The following COLEC12 variants were observed in gnomAD, a reference collection of about 807,000 sequenced individuals.
COLEC12 encodes the protein collectin subfamily member 12, also known as collectin-12.
COLEC12 carries 33 observed loss-of-function variants against 71.1 expected under a neutral mutation model. The observed-to-expected ratio is 0.46, with a 90% CI of 0.35 to 0.62. COLEC12 has a LOEUF of 0.62. Among genes scored for constraint, COLEC12 ranks in the 20% least tolerant of loss-of-function variants. The probability of loss-of-function intolerance (pLI) is 0.00; values close to 1 mark genes in which losing one functional copy is unlikely to be tolerated. For synonymous variants in COLEC12, 350 were observed against 353.0 expected, an observed-to-expected ratio of 0.99 and a Z score of 0.10; for missense variants, 765 against 916.1, an observed-to-expected ratio of 0.84 and a Z score of 2.13.
At chr18:328,895 TA>T (rs561487291) in intron 8 of COLEC12, among the ~76,000 whole-genome samples, 4 of 152,246 alleles carry the variant, frequency 2.6e-5, no homozygotes, top group Non-Finnish European at 5.9e-5. Context: ...CAAATTAAAT[TA>T]GCCTTTGGTT....
intron 3 of COLEC12, among the ~76,000 whole-genome samples, chr18:352,472 G>A (rs1406635002): frequency 6.6e-6 from 1 of 152,078 alleles, no homozygotes; most frequent in African/African-American, 2.4e-5. Flanking sequence ...TCAGGTTTGT[G>A]TAGAATAAAT....
rs772299082 is a variant in COLEC12, at chr18:348,118, C to T, written c.227G>A (p.Arg76His). ...TGTGAGCTTGTCATCATAGGTTTGG[C>T]GAGATGTTTCCATGCCACCTGTGAC... ...DNVTGGMETSRQTYDDKLTAV... is the reference protein window; with the variant it reads ...DNVTGGMETSHQTYDDKLTAV... Residue 76 changes from arginine to histidine, a missense_variant, in exon 4 of 10, where the codon CGC becomes CAC. Physicochemically the swap from Arg to His is conservative, Grantham distance 29. Coordinates refer to ENST00000400256, the MANE Select transcript of COLEC12 (RefSeq NM_130386.3). 45 of 1,613,818 alleles carry T rather than the reference C, an allele frequency of 2.8e-5. No individual in the cohort carries two copies. The highest frequency in any genetic ancestry group is 6.7e-5 in the East Asian group (3 of 44,876).
intron 1 of COLEC12, among the ~76,000 whole-genome samples, chr18:482,118 CTTT>C: frequency 7.1e-6 from 1 of 141,288 alleles, no homozygotes; most frequent in Admixed American, 7.1e-5. Flanking sequence ...AGGAGGAACA[CTTT>C]TTTTTTTTTT....
intron 7 of COLEC12, 138 bp downstream of exon 7, chr18:332,869 A>G: frequency 1.4e-6 from 1 of 721,364 alleles, no homozygotes; most frequent in Non-Finnish European, 2.2e-6. Context: ...ATGAAACCCA[A>G]ATCTCTGTAA....
intron 7 of COLEC12, among the ~76,000 whole-genome samples, 178 bp from the exon 8 acceptor site, chr18:331,955 G>C (rs1053949225): frequency 2.0e-5 from 3 of 152,066 alleles, no homozygotes; most frequent in Admixed American, 1.3e-4. Context: ...GTGCTGTTTG[G>C]GGGGCTTTGA....
At chr18:460,173 TC>T (rs1293573996) in intron 2 of COLEC12, among the ~76,000 whole-genome samples, 2 of 151,486 alleles carry the variant, frequency 1.3e-5, no homozygotes, top group African/African-American at 4.9e-5. Flanking sequence ...ATACGTGGAG[TC>T]CCCCTGCTGT....
At chr18:470,615 C>T (rs1917177759) in intron 2 of COLEC12, among the ~76,000 whole-genome samples, 1 of 152,002 alleles carries the variant, frequency 6.6e-6, no homozygotes, top group South Asian at 2.1e-4. Context: ...ATTAACCAGG[C>T]ATGGTGATAT....
At chr18:432,939 ACT>A (rs1916333957) in intron 2 of COLEC12, among the ~76,000 whole-genome samples, 1 of 152,156 alleles carries the variant, frequency 6.6e-6, no homozygotes, top group East Asian at 1.9e-4. Context: ...CACATGTGTC[ACT>A]GAGGAAGTTT....
chr18:478,350 C>T (rs778160474), intron 2 of COLEC12, among the ~76,000 whole-genome samples: 1 of 152,176 alleles, frequency 6.6e-6, no homozygotes, highest in African/African-American at 2.4e-5. Context: ...CAGTGGCTCA[C>T]GCCTGTAATC....
At chr18:417,098 G>C (rs1916002377) in intron 2 of COLEC12, among the ~76,000 whole-genome samples, 1 of 135,092 alleles carries the variant, frequency 7.4e-6, no homozygotes, top group African/African-American at 2.6e-5. Flanking sequence ...GAGATGTTCT[G>C]AGAAATGCAT....
intron 1 of COLEC12, among the ~76,000 whole-genome samples, chr18:486,012 T>TA (rs1348820093): frequency 6.6e-6 from 1 of 152,174 alleles, no homozygotes; most frequent in East Asian, 1.9e-4. Flanking sequence ...TTAAGGAAAT[T>TA]AGAGTTATAC....
rs146869750 is a variant in COLEC12, at chr18:322,193, T to TATAC, written c.2064-387_2064-386insGTAT. Among the ~76,000 whole-genome samples the TATAC allele has an allele frequency of 4.3e-3, 649 of 149,798 alleles. 3 individuals are homozygous for TATAC. Among genetic ancestry groups the TATAC allele is most frequent in the Non-Finnish European group, 7.8e-3 (526 of 67,332 alleles). ...ATATCTATTCATTATGAGGACATGA[T>TATAC]ACACACACACACACACACACACGCA... On this transcript the variant is annotated intron_variant, in intron 8 of 9. Coordinates refer to ENST00000400256, the MANE Select transcript of COLEC12 (RefSeq NM_130386.3).
chr18:336,509 C>T (rs986279691), intron 5 of COLEC12, among the ~76,000 whole-genome samples: 1 of 152,144 alleles, frequency 6.6e-6, no homozygotes, highest in African/African-American at 2.4e-5. Context: ...GGAAATTTCA[C>T]ACAAATAATC....
chr18:417,560 G>C (rs1165542878), intron 2 of COLEC12, among the ~76,000 whole-genome samples: 1 of 152,164 alleles, frequency 6.6e-6, no homozygotes, highest in Non-Finnish European at 1.5e-5. Context: ...CAACATGCCT[G>C]TCTAGTGACT....
intron 2 of COLEC12, among the ~76,000 whole-genome samples, chr18:437,964 T>A (rs1423752884): frequency 6.6e-6 from 1 of 152,364 alleles, no homozygotes; most frequent in South Asian, 2.1e-4. Context: ...ATAGACTTTT[T>A]AGAAATTTAT....
At chr18:417,728 G>A (rs1369512636) in intron 2 of COLEC12, among the ~76,000 whole-genome samples, 1 of 152,214 alleles carries the variant, frequency 6.6e-6, no homozygotes. Context: ...GTTGCTGTCA[G>A]CAAGTTCCAA....
At chr18:466,503 G>C (rs1018130842) in intron 2 of COLEC12, among the ~76,000 whole-genome samples, 14 of 152,080 alleles carry the variant, frequency 9.2e-5, no homozygotes, top group Admixed American at 6.5e-4. Context: ...TCTAGGCTCT[G>C]TCTCCCCAGA....
intron 2 of COLEC12, among the ~76,000 whole-genome samples, chr18:419,025 C>A (rs1401455090): frequency 6.6e-6 from 1 of 152,128 alleles, no homozygotes; most frequent in Non-Finnish European, 1.5e-5. Flanking sequence ...TGATCTGGGA[C>A]AAGTCAGTTA....
At chr18:467,069 T>C (rs187346616) in intron 2 of COLEC12, among the ~76,000 whole-genome samples, 3 of 152,350 alleles carry the variant, frequency 2.0e-5, no homozygotes. Flanking sequence ...TTTGCAATTA[T>C]AAATAGAAAA....
Sources: allele counts gnomAD v4.1 joint callset (sites outside exome capture counted in the v4.1 genomes callset), GRCh38; gene constraint gnomAD v4.1.1; transcripts MANE v1.5; gene names NCBI Gene and HGNC (gene_info 2026-07-23, HGNC 2026-07-21).